Variants in KCNJ6 observed in about 807,000 individuals in gnomAD.
KCNJ6 encodes the protein G protein-activated inward rectifier potassium channel 2.
In KCNJ6, 9 loss-of-function variants were observed where a neutral mutation model predicts 34.2. The ratio of observed to expected loss-of-function variants is 0.26; its 90% CI spans 0.16 to 0.46. KCNJ6 has a LOEUF of 0.46. KCNJ6 is among the 20% of genes least tolerant of loss of function. KCNJ6 has a pLI of 1.00. For synonymous variants in KCNJ6, 196 were observed against 207.1 expected (o/e 0.95, Z 0.46); for missense variants, 236 against 531.3 (o/e 0.44, Z 5.46).
chr21:37,899,697 C>T (rs115892797), intron 1 of KCNJ6, among the ~76,000 whole-genome samples: 2,299 of 152,242 alleles, frequency 0.015, 51 homozygotes, highest in African/African-American at 0.052. Context: ...AGTCTCCTGA[C>T]CCTGATCACA....
intron 2 of KCNJ6, among the ~76,000 whole-genome samples, chr21:37,753,435 A>C (rs1196163570): frequency 6.6e-6 from 1 of 152,204 alleles, no homozygotes; most frequent in Non-Finnish European, 1.5e-5. Context: ...CGTAAATTGC[A>C]AAGGGCAGCA....
At chr21:37,773,554 T>C (rs941849881) in intron 2 of KCNJ6, among the ~76,000 whole-genome samples, 1 of 152,068 alleles carries the variant, frequency 6.6e-6, no homozygotes, top group Non-Finnish European at 1.5e-5. Context: ...TGCGCATCCA[T>C]GTTAAAGTGG....
intron 2 of KCNJ6, among the ~76,000 whole-genome samples, chr21:37,775,611 C>G (rs1449228781): frequency 6.6e-6 from 1 of 152,146 alleles, no homozygotes; most frequent in Non-Finnish European, 1.5e-5. Context: ...ATAGGGAATC[C>G]TTTCCCCATT....
At chr21:37,889,622 A>G (rs150430482) in intron 1 of KCNJ6, among the ~76,000 whole-genome samples, 78 of 152,298 alleles carry the variant, frequency 5.1e-4, no homozygotes, top group African/African-American at 1.7e-3. Context: ...GAAGCCCCAA[A>G]TCAAGGTGTC....
chr21:37,626,095 T>G (rs1017045369), intron 3 of KCNJ6, among the ~76,000 whole-genome samples: 1 of 151,656 alleles, frequency 6.6e-6, no homozygotes, highest in Non-Finnish European at 1.5e-5. Flanking sequence ...GCTCAGACTG[T>G]GCAATCATAA....
intron 3 of KCNJ6, among the ~76,000 whole-genome samples, chr21:37,678,064 A>G (rs2054574761): frequency 6.6e-6 from 1 of 152,108 alleles, no homozygotes; most frequent in South Asian, 2.1e-4. Flanking sequence ...AATGCATTTG[A>G]GTGTTATGCA....
chr21:37,752,025 T>A (rs1422323299), intron 2 of KCNJ6, among the ~76,000 whole-genome samples: 3 of 152,218 alleles, frequency 2.0e-5, no homozygotes, highest in Non-Finnish European at 4.4e-5. Flanking sequence ...TGGAAAGCTA[T>A]CTACAATGTA....
chr21:37,763,892 A>C (rs2055078151), intron 2 of KCNJ6, among the ~76,000 whole-genome samples: 1 of 152,214 alleles, frequency 6.6e-6, no homozygotes, highest in Admixed American at 6.5e-5. Context: ...TGGAACATGT[A>C]TGTTCATATG....
At chr21:37,679,838 C>T (rs1188264903) in intron 3 of KCNJ6, among the ~76,000 whole-genome samples, 2 of 152,220 alleles carry the variant, frequency 1.3e-5, no homozygotes. Flanking sequence ...TGTCGCCTTT[C>T]TAGACATGGT....
At chr21:37,761,708 T>C (rs1003088456) in intron 2 of KCNJ6, among the ~76,000 whole-genome samples, 1 of 151,646 alleles carries the variant, frequency 6.6e-6, no homozygotes, top group Non-Finnish European at 1.5e-5. Flanking sequence ...ATGTAGTGCA[T>C]GTGTATATTT....
At chr21:37,644,500 C>G (rs1391336108) in intron 3 of KCNJ6, among the ~76,000 whole-genome samples, 3 of 152,110 alleles carry the variant, frequency 2.0e-5, no homozygotes, top group Non-Finnish European at 4.4e-5. Flanking sequence ...ATGCATGTGT[C>G]TAAGGCTTGA....
At chr21:37,642,946 AT>A (rs1389088708) in intron 3 of KCNJ6, among the ~76,000 whole-genome samples, 1 of 152,216 alleles carries the variant, frequency 6.6e-6, no homozygotes, top group African/African-American at 2.4e-5. Context: ...ATGTGATATT[AT>A]TGCTCTGTGT....
chr21:37,809,684 A>G (rs2055312750), intron 2 of KCNJ6, among the ~76,000 whole-genome samples: 1 of 152,192 alleles, frequency 6.6e-6, no homozygotes, highest in Non-Finnish European at 1.5e-5. Context: ...GCTATTCATC[A>G]TCTCCATTTT....
chr21:37,828,859 C>T (rs2055411569), intron 2 of KCNJ6, among the ~76,000 whole-genome samples: 1 of 152,232 alleles, frequency 6.6e-6, no homozygotes, highest in Admixed American at 6.5e-5. Flanking sequence ...CTGTACCCTC[C>T]AGGCTGTCTA....
chr21:37,776,648 C>T (rs1039472506), intron 2 of KCNJ6, among the ~76,000 whole-genome samples: 11 of 152,266 alleles, frequency 7.2e-5, no homozygotes, highest in African/African-American at 2.4e-4. Flanking sequence ...TGCTGGATTA[C>T]GTTCATTGAT....
intron 2 of KCNJ6, among the ~76,000 whole-genome samples, chr21:37,733,090 T>G (rs556147540): frequency 6.6e-6 from 1 of 152,382 alleles, no homozygotes; most frequent in South Asian, 2.1e-4. Flanking sequence ...GTTGTTTAAC[T>G]TTGTGCTTGC....
chr21:37,796,772 T>C (rs2055244238), intron 2 of KCNJ6, among the ~76,000 whole-genome samples: 1 of 56,312 alleles, frequency 1.8e-5, no homozygotes, highest in Non-Finnish European at 3.7e-5. Context: ...GTGGGCTTTC[T>C]TTCTTTCTTT....
chr21:37,865,962 T>G (rs992492481), intron 1 of KCNJ6, among the ~76,000 whole-genome samples: 2 of 96,142 alleles, frequency 2.1e-5, no homozygotes, highest in African/African-American at 8.2e-5. Flanking sequence ...CAAACCAAAT[T>G]TCAACAAATT....
At chr21:37,855,394 T>C (rs1321245944) in intron 1 of KCNJ6, among the ~76,000 whole-genome samples, 1 of 152,294 alleles carries the variant, frequency 6.6e-6, no homozygotes, top group Non-Finnish European at 1.5e-5. Context: ...CTCTCTGATC[T>C]TGGAGAATTA....
Sources: gnomAD v4.1 joint callset for allele counts (sites outside exome capture counted in the v4.1 genomes callset) on GRCh38, gnomAD v4.1.1 for gene constraint, MANE v1.5 for transcripts, NCBI Gene and HGNC (gene_info 2026-07-23, HGNC 2026-07-21) for gene names.